NRG3: variants seen among roughly 807,000 people sequenced by gnomAD.
The protein encoded by NRG3 is neuregulin 3.
NRG3 carries 31 observed loss-of-function variants against 66.9 expected under a neutral mutation model. The observed-to-expected ratio is 0.46, with a 90% CI of 0.35 to 0.63. The LOEUF (loss-of-function observed/expected upper bound fraction) is 0.63. NRG3 is among the 20% of genes least tolerant of loss of function. The pLI is 0.00. For missense variants in NRG3, 910 were observed against 878.9 expected, an observed-to-expected ratio of 1.04 and a Z score of -0.45; for synonymous variants, 393 against 359.4, an observed-to-expected ratio of 1.09 and a Z score of -1.06.
chr10:82,943,997 A>G (rs1848789649), intron 4 of NRG3, among the ~76,000 whole-genome samples: 1 of 152,232 alleles, frequency 6.6e-6, no homozygotes, highest in East Asian at 1.9e-4. Flanking sequence ...CTCATTTTAA[A>G]AGTGACCAAA....
chr10:82,081,879 G>A (rs947688607), intron 1 of NRG3, among the ~76,000 whole-genome samples: 3 of 152,142 alleles, frequency 2.0e-5, no homozygotes, highest in Non-Finnish European at 2.9e-5. Context: ...AACAAGCCAG[G>A]TGCTGTGCCA....
intron 1 of NRG3, among the ~76,000 whole-genome samples, chr10:82,186,624 T>G (rs2133292599): frequency 6.6e-6 from 1 of 152,312 alleles, no homozygotes; most frequent in East Asian, 1.9e-4. Flanking sequence ...TGAGGACCTT[T>G]AAATGCAGAT....
At chr10:82,793,372 C>A (rs2060668113) in intron 3 of NRG3, among the ~76,000 whole-genome samples, 1 of 152,076 alleles carries the variant, frequency 6.6e-6, no homozygotes, top group Non-Finnish European at 1.5e-5. Context: ...CGTATCTGTG[C>A]TGAGACAGTA....
At chr10:82,183,333 C>G (rs1232439326) in intron 1 of NRG3, among the ~76,000 whole-genome samples, 1 of 151,784 alleles carries the variant, frequency 6.6e-6, no homozygotes, top group Non-Finnish European at 1.5e-5. Flanking sequence ...TTCTGTTTTT[C>G]ATTCTTTTTT....
chr10:82,503,084 C>G (rs1844353018), intron 2 of NRG3, among the ~76,000 whole-genome samples: 1 of 152,114 alleles, frequency 6.6e-6, no homozygotes, highest in Non-Finnish European at 1.5e-5. Flanking sequence ...GTAGCTTATC[C>G]ATTTTGACTA....
At chr10:81,945,195 A>T (rs1848742040) in intron 1 of NRG3, among the ~76,000 whole-genome samples, 1 of 151,656 alleles carries the variant, frequency 6.6e-6, no homozygotes, top group Admixed American at 6.6e-5. Flanking sequence ...TTTTTTTTCC[A>T]TGACTTGGTG....
chr10:82,946,701 G>A (rs1849057916), intron 4 of NRG3, among the ~76,000 whole-genome samples: 1 of 152,096 alleles, frequency 6.6e-6, no homozygotes, highest in Admixed American at 6.6e-5. Flanking sequence ...GGTATTATAA[G>A]TCAAATAGGA....
chr10:82,977,612 A>C (rs1374208966), intron 7 of NRG3, among the ~76,000 whole-genome samples: 1 of 151,884 alleles, frequency 6.6e-6, no homozygotes, highest in East Asian at 1.9e-4. Flanking sequence ...AAAAAAAAAA[A>C]AAAAAGGAAT....
chr10:82,913,916 G>A (rs1210862992), intron 4 of NRG3, among the ~76,000 whole-genome samples: 5 of 151,918 alleles, frequency 3.3e-5, no homozygotes, highest in Admixed American at 6.6e-5. Flanking sequence ...TTTCCTTCTC[G>A]TCTTCCTATA....
At chr10:81,957,420 C>A (rs1218751961) in intron 1 of NRG3, among the ~76,000 whole-genome samples, 3 of 152,104 alleles carry the variant, frequency 2.0e-5, no homozygotes, top group South Asian at 2.1e-4. Flanking sequence ...CTCTGCCCCC[C>A]ATTTAAAATA....
intron 1 of NRG3, among the ~76,000 whole-genome samples, chr10:81,937,880 T>C (rs549561680): frequency 3.3e-5 from 5 of 152,292 alleles, no homozygotes; most frequent in Admixed American, 6.5e-5. Flanking sequence ...TCTGGGCTTA[T>C]GTTAAAGACC....
chr10:82,550,915 T>C (rs2044264930), intron 2 of NRG3, among the ~76,000 whole-genome samples: 1 of 152,128 alleles, frequency 6.6e-6, no homozygotes, highest in Non-Finnish European at 1.5e-5. Context: ...CTGGGACTTA[T>C]TAGCATTCGG....
At chr10:82,658,482 A>G (rs2052047210) in intron 2 of NRG3, among the ~76,000 whole-genome samples, 1 of 152,142 alleles carries the variant, frequency 6.6e-6, no homozygotes. Context: ...TAAGATCAGG[A>G]TTCAGACAAT....
intron 2 of NRG3, among the ~76,000 whole-genome samples, chr10:82,460,878 G>A (rs540062968): frequency 1.3e-4 from 20 of 152,224 alleles, no homozygotes; most frequent in African/African-American, 3.6e-4. Context: ...TGTTCAGGAC[G>A]TATGCATTAT....
chr10:82,898,753 G>A (rs529280183), intron 4 of NRG3, among the ~76,000 whole-genome samples: 7 of 117,852 alleles, frequency 5.9e-5, no homozygotes, highest in South Asian at 2.8e-4. Context: ...ACAGAGTCTC[G>A]CTCTGTCTCC....
In NRG3 at chr10:82,229,599, A is replaced by T. The variant is rs139437282; in HGVS notation, c.824-129140A>T. On this transcript the variant is annotated intron_variant, in intron 1 of 8. Transcript: ENST00000372141. ...CTCAGGAAACTTACAATCATGGCAG[A>T]AGAGGAAACAACCATGTCCTTCTTC... Among the ~76,000 whole-genome samples the T allele has an allele frequency of 4.8e-3, 733 of 152,324 alleles. 6 individuals are homozygous for T. The highest frequency in any genetic ancestry group is 0.017 in the African/African-American group (703 of 41,576).
chr10:81,984,140 T>A (rs1564712184), intron 1 of NRG3, among the ~76,000 whole-genome samples: 1 of 152,160 alleles, frequency 6.6e-6, no homozygotes, highest in Non-Finnish European at 1.5e-5. Flanking sequence ...GAATCAACCT[T>A]GCTGGTACCA....
intron 1 of NRG3, among the ~76,000 whole-genome samples, chr10:82,049,222 T>C (rs1358830251): frequency 1.3e-5 from 2 of 152,168 alleles, no homozygotes; most frequent in African/African-American, 2.4e-5. Context: ...AAGGCTTTGA[T>C]AATTGTTTCA....
In NRG3 at chr10:82,360,863, C is replaced by CAT. The variant is rs1564838158; in HGVS notation, c.953+1995_953+1996insAT. Among the ~76,000 whole-genome samples, 210 of 151,840 alleles carry CAT rather than the reference C, an allele frequency of 1.4e-3. 3 individuals are homozygous for CAT. The highest frequency in any genetic ancestry group is 4.8e-3 in the African/African-American group (199 of 41,286). ...AGTTGATTCCTTTTGAGGCCTCCCT[C>CAT]CTTGACTTATAGATGGTCAAGGAGA... On this transcript the variant is annotated intron_variant, in intron 2 of 8. Transcript: ENST00000372141.
Sources: allele counts gnomAD v4.1 joint callset (sites outside exome capture counted in the v4.1 genomes callset), GRCh38; gene constraint gnomAD v4.1.1; transcripts MANE v1.5; gene names NCBI Gene and HGNC (gene_info 2026-07-23, HGNC 2026-07-21).